The following SSBP2 variants were observed in gnomAD, a reference collection of about 807,000 sequenced individuals.
The protein encoded by SSBP2 is single-stranded DNA-binding protein 2.
In SSBP2, 17 loss-of-function variants were observed where a neutral mutation model predicts 61.8. The observed-to-expected ratio is 0.28, with a 90% CI of 0.19 to 0.41. The LOEUF (loss-of-function observed/expected upper bound fraction) is 0.41, where lower values mean the gene tolerates loss of function less well. SSBP2 is among the 10% of genes least tolerant of loss of function. The probability of loss-of-function intolerance (pLI) is 1.00; values close to 1 mark genes in which losing one functional copy is unlikely to be tolerated. For synonymous variants in SSBP2, 139 were observed against 141.3 expected (o/e 0.98, Z 0.12); for missense variants, 310 against 458.7 (o/e 0.68, Z 2.96).
chr5:81,580,238 C>G (rs1774542105), intron 4 of SSBP2, among the ~76,000 whole-genome samples: 1 of 152,022 alleles, frequency 6.6e-6, no homozygotes, highest in Non-Finnish European at 1.5e-5. Flanking sequence ...TTATTAACTA[C>G]TGTTCAAAAA....
intron 1 of SSBP2, among the ~76,000 whole-genome samples, chr5:81,711,688 C>T (rs1166249913): frequency 7.9e-6 from 1 of 126,850 alleles, no homozygotes; most frequent in African/African-American, 2.7e-5. Context: ...GATCACTCTA[C>T]ATGATAAAAA....
chr5:81,445,316 T>A, intron 12 of SSBP2, among the ~76,000 whole-genome samples: 1 of 150,388 alleles, frequency 6.6e-6, no homozygotes, highest in East Asian at 2.0e-4. Context: ...GATGAACACA[T>A]AAAAGAGTAT....
intron 4 of SSBP2, among the ~76,000 whole-genome samples, chr5:81,523,807 C>T (rs1333024295): frequency 6.6e-6 from 1 of 152,000 alleles, no homozygotes; most frequent in African/African-American, 2.4e-5. Context: ...AGACAAATAA[C>T]ATTTAGCCAA....
chr5:81,722,485 C>T lies in SSBP2; in HGVS notation c.62+28496G>A, dbSNP rs534185450. Among the ~76,000 whole-genome samples, 150 of 149,538 alleles carry T rather than the reference C, an allele frequency of 1.0e-3. 1 individual carries two copies. The highest frequency in any genetic ancestry group is 3.4e-3 in the African/African-American group (140 of 40,996). On this transcript the variant is annotated intron_variant, in intron 1 of 16. Transcript: ENST00000320672. ...TTTCTGGGCTAGGAGACCTACCTTT[C>T]TCACATTTAACAACTATAGCATTCT...
intron 1 of SSBP2, among the ~76,000 whole-genome samples, chr5:81,740,539 T>C (rs548879787): frequency 2.0e-5 from 3 of 152,346 alleles, no homozygotes; most frequent in African/African-American, 7.2e-5. Context: ...CTACTGCTCC[T>C]GTATCACACG....
At chr5:81,689,851 T>A (rs1431344289) in intron 1 of SSBP2, among the ~76,000 whole-genome samples, 3 of 151,956 alleles carry the variant, frequency 2.0e-5, no homozygotes, top group African/African-American at 7.2e-5. Context: ...ATATCTGGAG[T>A]AGAAAAACTA....
intron 5 of SSBP2, among the ~76,000 whole-genome samples, chr5:81,501,382 T>G (rs1767751188): frequency 6.8e-6 from 1 of 147,716 alleles, no homozygotes; most frequent in African/African-American, 2.5e-5. Context: ...GTCAAAGGTA[T>G]TTGTGATGTC....
intron 1 of SSBP2, among the ~76,000 whole-genome samples, chr5:81,673,931 T>C (rs547749770): frequency 2.2e-4 from 34 of 152,286 alleles, no homozygotes; most frequent in Admixed American, 1.6e-3. Flanking sequence ...TCAATGAAAG[T>C]GTAAAAATAC....
chr5:81,691,706 G>T (rs138224507), intron 1 of SSBP2, among the ~76,000 whole-genome samples: 79 of 152,130 alleles, frequency 5.2e-4, no homozygotes, highest in African/African-American at 1.9e-3. Context: ...TTCCAAACTC[G>T]TTTTAGAAGA....
At position 81,473,919 on chromosome 5, in the gene SSBP2, C is replaced by T. The variant is rs966341947; in HGVS notation, c.500-149G>A. 13 of 672,222 alleles carry T rather than the reference C, an allele frequency of 1.9e-5. No individual in the cohort carries two copies. The Admixed American group carries it at 2.8e-4, about 14-fold the overall frequency. 41.6% of individuals were successfully genotyped at this position (672,222 alleles called of 1,614,324 possible). A position where few individuals can be genotyped will look rare whatever the true frequency, so the allele number is the denominator to read the frequency against. On this transcript the variant is annotated intron_variant, in intron 7 of 16. Transcript: ENST00000320672. ...TACCTTGGCTTCCAGACCACTTTTC[C>T]ACCTCTTACCACTACCTACCCACAC...
intron 4 of SSBP2, among the ~76,000 whole-genome samples, chr5:81,545,907 C>T (rs1219406134): frequency 2.0e-5 from 3 of 152,104 alleles, no homozygotes; most frequent in African/African-American, 7.2e-5. Flanking sequence ...AATCCAATGT[C>T]CACTCCATTC....
At chr5:81,665,521 T>C (rs1360296650) in intron 1 of SSBP2, among the ~76,000 whole-genome samples, 1 of 152,092 alleles carries the variant, frequency 6.6e-6, no homozygotes, top group East Asian at 1.9e-4. Flanking sequence ...TGAGACAGAG[T>C]CTCACTCTGT....
intron 1 of SSBP2, among the ~76,000 whole-genome samples, chr5:81,738,883 G>A (rs1276343770): frequency 6.6e-6 from 1 of 152,016 alleles, no homozygotes; most frequent in African/African-American, 2.4e-5. Flanking sequence ...GCTTATCTCA[G>A]GGCGGGCACA....
chr5:81,698,472 G>C (rs1753739220), intron 1 of SSBP2, among the ~76,000 whole-genome samples: 1 of 152,156 alleles, frequency 6.6e-6, no homozygotes, highest in Admixed American at 6.5e-5. Flanking sequence ...AATAAAGACA[G>C]GTTAAGGGGT....
intron 4 of SSBP2, among the ~76,000 whole-genome samples, chr5:81,569,875 C>A (rs747866095): frequency 6.6e-6 from 1 of 152,006 alleles, no homozygotes; most frequent in Non-Finnish European, 1.5e-5. Flanking sequence ...AAGCTTGTTA[C>A]GGTAATAATC....
chr5:81,601,320 C>T (rs900319243), intron 4 of SSBP2, among the ~76,000 whole-genome samples: 4 of 152,018 alleles, frequency 2.6e-5, no homozygotes, highest in African/African-American at 7.2e-5. Flanking sequence ...GTTGGTAAGG[C>T]GGCTGTGAAT....
At chr5:81,628,535 T>TA (rs553380852) in intron 3 of SSBP2, among the ~76,000 whole-genome samples, 403 of 152,240 alleles carry the variant, frequency 2.6e-3, no homozygotes, top group Non-Finnish European at 5.0e-3. Context: ...ATTGCACAAG[T>TA]AAAAAAACAC....
chr5:81,601,582 T>C (rs1467314262), intron 4 of SSBP2, among the ~76,000 whole-genome samples: 1 of 152,192 alleles, frequency 6.6e-6, no homozygotes, highest in African/African-American at 2.4e-5. Flanking sequence ...CTCTCTGTAT[T>C]ATTTCTTACA....
At chr5:81,443,121 T>C (rs1763140966) in intron 12 of SSBP2, 1 of 152,644 alleles carries the variant, frequency 6.6e-6, no homozygotes, top group Admixed American at 6.5e-5. Flanking sequence ...GTTTCCAATA[T>C]ACAAATTTTA....
Sources: allele counts gnomAD v4.1 joint callset (sites outside exome capture counted in the v4.1 genomes callset), GRCh38; gene constraint gnomAD v4.1.1; transcripts MANE v1.5; gene names NCBI Gene and HGNC (gene_info 2026-07-23, HGNC 2026-07-21).